CCSER1: variants seen among roughly 807,000 people sequenced by gnomAD.
CCSER1 encodes serine-rich coiled-coil domain-containing protein 1.
In CCSER1, 41 loss-of-function variants were observed where a neutral mutation model predicts 82.0. The observed-to-expected ratio is 0.50, with a 90% CI of 0.39 to 0.65. CCSER1 has a LOEUF of 0.65. CCSER1 is among the 30% of genes least tolerant of loss of function. The probability of loss-of-function intolerance (pLI) is 0.00; values close to 1 mark genes in which losing one functional copy is unlikely to be tolerated. For missense variants in CCSER1, 1,119 were observed against 1,064.2 expected (o/e 1.05, Z -0.72); for synonymous variants, 414 against 383.9 (o/e 1.08, Z -0.92).
At chr4:91,365,163 A>C (rs1749524661) in intron 10 of CCSER1, among the ~76,000 whole-genome samples, 1 of 152,296 alleles carries the variant, frequency 6.6e-6, no homozygotes, top group Non-Finnish European at 1.5e-5. Context: ...AGAGGCTTTC[A>C]GTGTATTTTT....
intron 3 of CCSER1, among the ~76,000 whole-genome samples, chr4:90,329,976 A>T (rs1738979669): frequency 6.6e-6 from 1 of 152,142 alleles, no homozygotes; most frequent in Non-Finnish European, 1.5e-5. Flanking sequence ...TTTTAAGGTA[A>T]TGCTATTCAA....
At chr4:90,585,757 C>G (rs904908143) in intron 5 of CCSER1, among the ~76,000 whole-genome samples, 1 of 152,086 alleles carries the variant, frequency 6.6e-6, no homozygotes, top group African/African-American at 2.4e-5. Context: ...ACTGATTTCT[C>G]AGCCCTGATA....
chr4:90,890,471 G>A (rs1464992072), intron 8 of CCSER1, among the ~76,000 whole-genome samples: 2 of 152,178 alleles, frequency 1.3e-5, no homozygotes, highest in Admixed American at 6.6e-5. Flanking sequence ...GTACCGGACT[G>A]TCTTTGTCAG....
chr4:90,321,371 T>G (rs2153487374), intron 3 of CCSER1, among the ~76,000 whole-genome samples: 1 of 152,296 alleles, frequency 6.6e-6, no homozygotes, highest in East Asian at 1.9e-4. Flanking sequence ...GTCTCATTCA[T>G]GTTGTTGCAA....
chr4:90,699,184 CT>C (rs923352086), intron 6 of CCSER1, among the ~76,000 whole-genome samples: 1 of 152,142 alleles, frequency 6.6e-6, no homozygotes, highest in Non-Finnish European at 1.5e-5. Context: ...AAGGTCCTTG[CT>C]GGGTACCTTG....
At chr4:91,226,057 A>G (rs1365866780) in intron 10 of CCSER1, among the ~76,000 whole-genome samples, 1 of 151,980 alleles carries the variant, frequency 6.6e-6, no homozygotes, top group Non-Finnish European at 1.5e-5. Flanking sequence ...CACAATGTGC[A>G]GGTTAGTTAC....
At chr4:91,594,950 A>G (rs1764493199) in intron 10 of CCSER1, among the ~76,000 whole-genome samples, 1 of 152,046 alleles carries the variant, frequency 6.6e-6, no homozygotes. Flanking sequence ...GCCTCAAACA[A>G]ATACACTTTC....
At chr4:91,579,191 T>A (rs1364140769) in intron 10 of CCSER1, among the ~76,000 whole-genome samples, 2 of 151,590 alleles carry the variant, frequency 1.3e-5, no homozygotes, top group African/African-American at 2.4e-5. Context: ...TCTATTAGGG[T>A]TTTGGAATAC....
intron 5 of CCSER1, among the ~76,000 whole-genome samples, chr4:90,580,408 T>G (rs1781298762): frequency 6.6e-6 from 1 of 152,158 alleles, no homozygotes; most frequent in South Asian, 2.1e-4. Flanking sequence ...TGGGGAGTCA[T>G]GTACTTAAGT....
chr4:90,879,624 GGAGGAAAGAA>G (rs1156843820), intron 8 of CCSER1, among the ~76,000 whole-genome samples: 35 of 144,460 alleles, frequency 2.4e-4, no homozygotes, highest in Admixed American at 1.5e-3. Context: ...AGGAGGAGGA[GGAGGAAAGAA>G]GAAAGAAGAA....
At chr4:90,265,120 G>C (rs1257010905) in intron 1 of CCSER1, among the ~76,000 whole-genome samples, 1 of 151,808 alleles carries the variant, frequency 6.6e-6, no homozygotes, top group Non-Finnish European at 1.5e-5. Flanking sequence ...AGAGTGTGTT[G>C]AAGGGAAGAG....
At chr4:90,712,281 G>C (rs575388804) in intron 6 of CCSER1, among the ~76,000 whole-genome samples, 1 of 151,952 alleles carries the variant, frequency 6.6e-6, no homozygotes, top group South Asian at 2.1e-4. Flanking sequence ...TGGACATTTA[G>C]GGTTACAAAT....
At chr4:90,175,728 A>T (rs973986763) in intron 1 of CCSER1, among the ~76,000 whole-genome samples, 1 of 152,058 alleles carries the variant, frequency 6.6e-6, no homozygotes. Flanking sequence ...ACCATTTACA[A>T]TTTTTAAAAG....
chr4:90,540,326 C>A (rs895272144), intron 5 of CCSER1, among the ~76,000 whole-genome samples: 1 of 151,548 alleles, frequency 6.6e-6, no homozygotes, highest in African/African-American at 2.4e-5. Flanking sequence ...TTAAAAACAC[C>A]ATAGATAAAT....
At chr4:91,563,496 C>T (rs760202943) in intron 10 of CCSER1, among the ~76,000 whole-genome samples, 5 of 151,344 alleles carry the variant, frequency 3.3e-5, no homozygotes, top group Admixed American at 2.0e-4. Flanking sequence ...TCAAAACTCT[C>T]TGCAAATTAG....
At chr4:91,025,545 C>G (rs1032757428) in intron 9 of CCSER1, among the ~76,000 whole-genome samples, 1 of 152,080 alleles carries the variant, frequency 6.6e-6, no homozygotes, top group Non-Finnish European at 1.5e-5. Context: ...GTTGCCACTA[C>G]TATAACTGAT....
At chr4:91,330,870 A>G (rs1350582849) in intron 10 of CCSER1, among the ~76,000 whole-genome samples, 1 of 152,190 alleles carries the variant, frequency 6.6e-6, no homozygotes, top group Non-Finnish European at 1.5e-5. Flanking sequence ...AGTTCCACAA[A>G]TAAATATTTA....
intron 9 of CCSER1, among the ~76,000 whole-genome samples, chr4:91,049,319 T>C (rs1482973435): frequency 1.3e-5 from 2 of 152,140 alleles, no homozygotes; most frequent in African/African-American, 4.8e-5. Flanking sequence ...ATGCACCTAT[T>C]TGAATCCTTT....
In CCSER1 at chr4:91,450,354, G is replaced by T. The variant is rs113069247; in HGVS notation, c.2218-148218G>T. Among the ~76,000 whole-genome samples the T allele has an allele frequency of 1.2e-4, 19 of 152,102 alleles. 1 individual carries two copies. The highest frequency in any genetic ancestry group is 4.3e-4 in the African/African-American group (18 of 41,524). ...GAGACATCTGATTATAAAACCTCAG[G>T]AAGTACTTACCTTTATCAACTATAA... On this transcript the variant is annotated intron_variant, in intron 10 of 10. Transcript: ENST00000509176.
Sources: allele counts gnomAD v4.1 joint callset (sites outside exome capture counted in the v4.1 genomes callset), GRCh38; gene constraint gnomAD v4.1.1; transcripts MANE v1.5; gene names NCBI Gene and HGNC (gene_info 2026-07-23, HGNC 2026-07-21).